The following SAMD12 variants were observed in gnomAD, a reference collection of about 807,000 sequenced individuals.
SAMD12 encodes sterile alpha motif domain containing 12, also known as sterile alpha motif domain-containing protein 12.
A neutral mutation model predicts 15.0 loss-of-function variants in SAMD12; 9 were observed. That is an observed-to-expected ratio of 0.60 (90% confidence interval 0.36 to 1.05). The LOEUF (loss-of-function observed/expected upper bound fraction) is 1.05, where lower values mean the gene tolerates loss of function less well. SAMD12 is among the 50% of genes least tolerant of loss of function. The probability of loss-of-function intolerance (pLI) is 0.01; values close to 1 mark genes in which losing one functional copy is unlikely to be tolerated. For missense variants in SAMD12, 230 were observed against 234.2 expected, an observed-to-expected ratio of 0.98 and a Z score of 0.12; for synonymous variants, 86 against 90.1, an observed-to-expected ratio of 0.96 and a Z score of 0.25.
intron 2 of SAMD12, among the ~76,000 whole-genome samples, chr8:118,507,146 A>C (rs1824943175): frequency 6.6e-6 from 1 of 151,954 alleles, no homozygotes; most frequent in Admixed American, 6.6e-5. Context: ...AGTCACACTG[A>C]GCACCTCATT....
chr8:118,339,585 G>A (rs1343762863), intron 4 of SAMD12, among the ~76,000 whole-genome samples: 3 of 152,190 alleles, frequency 2.0e-5, no homozygotes, highest in Non-Finnish European at 4.4e-5. Context: ...CTGATCACGT[G>A]GCCTCGCTGC....
intron 2 of SAMD12, among the ~76,000 whole-genome samples, chr8:118,498,256 C>T (rs1319448296): frequency 2.0e-5 from 3 of 152,074 alleles, no homozygotes; most frequent in Non-Finnish European, 4.4e-5. Context: ...GCTTAAGGGT[C>T]CTGTTTATAC....
At chr8:118,459,028 G>C (rs1321533898) in intron 2 of SAMD12, among the ~76,000 whole-genome samples, 1 of 148,974 alleles carries the variant, frequency 6.7e-6, no homozygotes, top group African/African-American at 2.5e-5. Flanking sequence ...TTAATATATT[G>C]CTTTTAAAAA....
intron 2 of SAMD12, among the ~76,000 whole-genome samples, chr8:118,565,135 C>A (rs868410657): frequency 2.0e-5 from 3 of 152,192 alleles, no homozygotes; most frequent in African/African-American, 7.2e-5. Context: ...AATATACCCT[C>A]ATATTCCTAC....
At chr8:118,530,507 T>A (rs565612880) in intron 2 of SAMD12, among the ~76,000 whole-genome samples, 29 of 152,206 alleles carry the variant, frequency 1.9e-4, no homozygotes, top group Non-Finnish European at 3.4e-4. Context: ...CTTAGGATAA[T>A]GCTTTGCCCA....
At chr8:118,427,546 C>A (rs1385829319) in intron 3 of SAMD12, among the ~76,000 whole-genome samples, 1 of 152,208 alleles carries the variant, frequency 6.6e-6, no homozygotes, top group East Asian at 1.9e-4. Context: ...TGATTGGAAT[C>A]ACATAATATG....
chr8:118,174,860 T>C, the SAMD12 span, among the ~76,000 whole-genome samples: 3 of 152,106 alleles, frequency 2.0e-5, no homozygotes, highest in African/African-American at 7.2e-5. Flanking sequence ...CTTTATGTAC[T>C]TCTTTGTGTA....
chr8:118,398,778 G>C (rs184048438), intron 3 of SAMD12, among the ~76,000 whole-genome samples: 1 of 152,212 alleles, frequency 6.6e-6, no homozygotes, highest in East Asian at 1.9e-4. Flanking sequence ...CTTGATTGTA[G>C]TGATGGTTTC....
At chr8:118,258,865 T>C (rs1376588999) in intron 4 of SAMD12, among the ~76,000 whole-genome samples, 2 of 152,010 alleles carry the variant, frequency 1.3e-5, no homozygotes. Context: ...GAGTTGAGAA[T>C]TGAGAAATGA....
intron 3 of SAMD12, among the ~76,000 whole-genome samples, chr8:118,438,122 G>GAAAATGAAT (rs1353822667): frequency 6.6e-6 from 1 of 152,130 alleles, no homozygotes; most frequent in Non-Finnish European, 1.5e-5. Flanking sequence ...GAGGAACTAA[G>GAAAATGAAT]AAAATGAATG....
intron 3 of SAMD12, 92 bp downstream of exon 3, chr8:118,439,740 G>T: frequency 8.1e-7 from 1 of 1,236,908 alleles, no homozygotes; most frequent in Non-Finnish European, 1.1e-6. Flanking sequence ...ATTTCAGCAG[G>T]AAGATGTTGT....
rs12542506 is a variant in SAMD12, at chr8:118,220,037, G to A, written c.434-22305C>T. 4.8e-3 allele frequency among the ~76,000 whole-genome samples: 728 copies of A among 152,288 alleles called. 15 individuals are homozygous for A. The highest frequency in any genetic ancestry group is 0.04 in the Admixed American group (617 of 15,296). On this transcript the variant is annotated intron_variant, in intron 4 of 4. Coordinates refer to the SAMD12 transcript ENST00000409003. The stretch of plus-strand genomic sequence containing the variant: ...ATCCTTATTATGAACATTCAAGTAC[G>A]TATTACTCTTGTTAAAGCTATGGCT...
At chr8:118,197,664 T>C (rs371114823) in exon 5 of SAMD12, 5 of 1,531,782 alleles carry the variant, frequency 3.3e-6, no homozygotes, top group Admixed American at 1.7e-5. Context: ...GAACAGGCCA[T>C]GTTCATATCA....
Position 118,595,454 on chromosome 8 carries a change from T to C in SAMD12, c.14-14561A>G, listed in dbSNP as rs78796184. Among the ~76,000 whole-genome samples the C allele has an allele frequency of 1.0e-2, 1,522 of 152,308 alleles. 24 individuals are homozygous for C. Among genetic ancestry groups the C allele is most frequent in the African/African-American group, 0.034 (1,411 of 41,564 alleles). The stretch of plus-strand genomic sequence containing the variant: ...AAAGATGCTTCCAGTCAGTTCTCAA[T>C]ATGACAGCCATTAAAACATTGTAAA... On this transcript the variant is annotated intron_variant, in intron 1 of 3. Coordinates refer to ENST00000314727, the MANE Select transcript of SAMD12 (RefSeq NM_207506.3).
chr8:118,502,786 C>A (rs964795954), intron 2 of SAMD12, among the ~76,000 whole-genome samples: 3 of 152,148 alleles, frequency 2.0e-5, no homozygotes, highest in Non-Finnish European at 4.4e-5. Flanking sequence ...ATGCAGAGAA[C>A]GATTTTGAAA....
rs1021787510 is a variant in SAMD12 at position 118,292,038 on chromosome 8, T to C, written c.433+87522A>G. 7.9e-5 allele frequency among the ~76,000 whole-genome samples: 12 copies of C among 151,484 alleles called. No individual in the cohort carries two copies. In the South Asian group the frequency reaches 2.3e-3, roughly 29 times the overall value. ...ACAAGGCGATGCTTTAGAAATTGAA[T>C]TCTATTGCCCATTATAAATGGCTGC... On this transcript the variant is annotated intron_variant, in intron 4 of 4. Transcript: ENST00000409003.
intron 2 of SAMD12, among the ~76,000 whole-genome samples, chr8:118,454,998 T>C (rs1823204129): frequency 6.6e-6 from 1 of 152,220 alleles, no homozygotes; most frequent in African/African-American, 2.4e-5. Flanking sequence ...TAACATTGCC[T>C]GGTTTCTCCA....
At chr8:118,527,403 C>T (rs1042189820) in intron 2 of SAMD12, among the ~76,000 whole-genome samples, 8 of 152,178 alleles carry the variant, frequency 5.3e-5, no homozygotes, top group Admixed American at 2.6e-4. Context: ...AAGAAAACCA[C>T]TGATTTTTGT....
At position 118,621,887 on chromosome 8, in the gene SAMD12, C is replaced by A; in HGVS notation, c.-71G>T. The A allele has an allele frequency of 2.0e-6, 3 of 1,522,270 alleles. No homozygotes were observed. Among genetic ancestry groups the A allele is most frequent in the South Asian group, 1.1e-5 (1 of 89,272 alleles). 94.3% of individuals were successfully genotyped at this position (1,522,270 alleles called of 1,614,324 possible). On this transcript the variant is annotated 5_prime_UTR_variant, in exon 1 of 4. The change creates a new upstream start codon in the 5' untranslated region. Coordinates refer to ENST00000314727, the MANE Select transcript of SAMD12 (RefSeq NM_207506.3). Reference sequence around the variant, plus strand: ...TACTCCTCCTGCCCCGCGCTCCCCCCTTCCTCTCGCTTTCGCCTAAATATT... The same window carrying A: ...TACTCCTCCTGCCCCGCGCTCCCCCATTCCTCTCGCTTTCGCCTAAATATT...
Sources: allele counts gnomAD v4.1 joint callset (sites outside exome capture counted in the v4.1 genomes callset), GRCh38; gene constraint gnomAD v4.1.1; transcripts MANE v1.5; gene names NCBI Gene and HGNC (gene_info 2026-07-23, HGNC 2026-07-21).